The following SDHC variants were observed in gnomAD, a reference collection of about 807,000 sequenced individuals.
The protein encoded by SDHC is succinate dehydrogenase complex subunit C, also known as succinate dehydrogenase cytochrome b560 subunit, mitochondrial.
SDHC carries 11 observed loss-of-function variants against 22.6 expected under a neutral mutation model. That is an observed-to-expected ratio of 0.49 (90% CI 0.31 to 0.81). The LOEUF is 0.81. Ranked by LOEUF, SDHC falls within the 30% of genes least tolerant of loss-of-function variation. The probability of loss-of-function intolerance (pLI) is 0.05; values close to 1 mark genes in which losing one functional copy is unlikely to be tolerated. For missense variants in SDHC, 160 were observed against 212.0 expected, an observed-to-expected ratio of 0.75 and a Z score of 1.52; for synonymous variants, 80 against 77.8, an observed-to-expected ratio of 1.03 and a Z score of -0.15.
intron 5 of SDHC, among the ~76,000 whole-genome samples, chr1:161,361,441 C>T (rs942323442): frequency 6.6e-6 from 1 of 151,900 alleles, no homozygotes; most frequent in African/African-American, 2.4e-5. Flanking sequence ...AATACTAGTC[C>T]TCTGATAAAT....
chr1:161,323,567 AGTT>A (rs1670919870), intron 1 of SDHC, 44 bp from the exon 2 acceptor site: 1 of 1,462,530 alleles, frequency 6.8e-7, no homozygotes, highest in Admixed American at 1.7e-5. Flanking sequence ...GATATACTAA[AGTT>A]GATCTCTAAA....
chr1:161,352,309 C>CT, intron 4 of SDHC, among the ~76,000 whole-genome samples: 1 of 152,192 alleles, frequency 6.6e-6, no homozygotes, highest in South Asian at 2.1e-4. Flanking sequence ...GAGGTAGAGC[C>CT]TTTTTTGAAA....
chr1:161,353,935 T>G (rs1672178163), intron 4 of SDHC, among the ~76,000 whole-genome samples: 2 of 152,242 alleles, frequency 1.3e-5, no homozygotes, highest in Admixed American at 6.5e-5. Flanking sequence ...AAGATCTCAC[T>G]CTGTTACCTG....
intron 4 of SDHC, among the ~76,000 whole-genome samples, chr1:161,346,206 A>G (rs1173318628): frequency 7.2e-5 from 11 of 152,292 alleles, no homozygotes; most frequent in African/African-American, 2.4e-4. Flanking sequence ...GTGCTTAGAA[A>G]ATCTTTATTT....
At chr1:161,340,960 C>G (rs1355741169) in intron 4 of SDHC, among the ~76,000 whole-genome samples, 1 of 152,224 alleles carries the variant, frequency 6.6e-6, no homozygotes, top group Admixed American at 6.5e-5. Flanking sequence ...TCTCCTGCCT[C>G]AGCCTCCTGA....
chr1:161,322,769 G>C (rs1670884728), intron 1 of SDHC, among the ~76,000 whole-genome samples: 1 of 151,996 alleles, frequency 6.6e-6, no homozygotes, highest in Non-Finnish European at 1.5e-5. Context: ...GTTTTACCAT[G>C]TTGTCCAGGC....
chr1:161,356,881 A>G (rs1227548542), intron 5 of SDHC, 41 bp downstream of exon 5: 3 of 1,583,878 alleles, frequency 1.9e-6, no homozygotes, highest in South Asian at 1.1e-5. Context: ...CTGTGAAGGG[A>G]GTGGGGAGAC....
intron 1 of SDHC, among the ~76,000 whole-genome samples, chr1:161,317,043 G>C (rs1219521576): frequency 2.0e-5 from 3 of 147,732 alleles, no homozygotes; most frequent in African/African-American, 7.6e-5. Context: ...TTTTGAGACG[G>C]AGTCTCGGTC....
intron 3 of SDHC, 110 bp downstream of exon 3, chr1:161,328,607 G>T: frequency 1.3e-6 from 1 of 768,192 alleles, no homozygotes; most frequent in Non-Finnish European, 2.3e-6. Flanking sequence ...CCAAAATACT[G>T]CTATGTAGAT....
chr1:161,338,689 G>A (rs1371479466), intron 3 of SDHC, among the ~76,000 whole-genome samples: 1 of 152,162 alleles, frequency 6.6e-6, no homozygotes, highest in South Asian at 2.1e-4. Flanking sequence ...GAAATAAGTG[G>A]TATGTTCAGT....
intron 3 of SDHC, among the ~76,000 whole-genome samples, chr1:161,339,411 C>T (rs1003588048): frequency 6.6e-6 from 1 of 150,670 alleles, no homozygotes; most frequent in African/African-American, 2.4e-5. Flanking sequence ...ACCTTGAACT[C>T]CTGAACTCAA....
intron 1 of SDHC, chr1:161,314,692 C>A (rs1016575911): frequency 3.3e-5 from 18 of 553,778 alleles, no homozygotes; most frequent in Non-Finnish European, 5.5e-5. Flanking sequence ...TCCTCTAGTA[C>A]TTCTAACGCA....
At position 161,322,386 on chromosome 1, in the gene SDHC, A is replaced by T. The variant is rs147714178; in HGVS notation, c.21-1228A>T. Among the ~76,000 whole-genome samples the T allele has an allele frequency of 2.1e-3, 314 of 152,032 alleles. 1 individual carries two copies. The highest frequency in any genetic ancestry group is 7.2e-3 in the African/African-American group (299 of 41,454). On this transcript the variant is annotated intron_variant, in intron 1 of 5. Coordinates refer to ENST00000367975, the MANE Select transcript of SDHC (RefSeq NM_003001.5). ...GAAAACTTTCATGGGGTCAGTAAAA[A>T]TTTTTTTTATTCCCATTTTTTTGCA...
intron 2 of SDHC, 37 bp from the exon 3 acceptor site, chr1:161,328,358 AC>A (rs1478373262): frequency 6.8e-7 from 1 of 1,461,412 alleles, no homozygotes; most frequent in Non-Finnish European, 9.6e-7. Context: ...AACCAAGTTT[AC>A]TTTTAGTTAT....
chr1:161,316,453 A>G (rs576566287), intron 1 of SDHC, among the ~76,000 whole-genome samples: 1 of 152,346 alleles, frequency 6.6e-6, no homozygotes, highest in South Asian at 2.1e-4. Context: ...CACATCTTGC[A>G]CAGCCCTTAA....
chr1:161,329,854 C>T (rs1388976162), intron 3 of SDHC, among the ~76,000 whole-genome samples: 3 of 152,258 alleles, frequency 2.0e-5, no homozygotes, highest in Admixed American at 2.0e-4. Context: ...CATTCTTTTT[C>T]TATTTTCAAA....
chr1:161,356,396 G>A (rs975034216), intron 4 of SDHC, among the ~76,000 whole-genome samples: 1 of 152,068 alleles, frequency 6.6e-6, no homozygotes, highest in African/African-American at 2.4e-5. Context: ...AAAATTAGCT[G>A]GGCGTTGTGG....
chr1:161,357,724 T>G (rs535046450), intron 5 of SDHC, among the ~76,000 whole-genome samples: 1 of 152,300 alleles, frequency 6.6e-6, no homozygotes, highest in Non-Finnish European at 1.5e-5. Flanking sequence ...AAGAGGGATA[T>G]TTAAAAGAGA....
In SDHC at chr1:161,352,118, ACT is replaced by A. The variant is rs376299356; in HGVS notation, c.242-4554_242-4553del. Reference sequence around the variant, plus strand: ...ATTGAAATTGTTCAGCTGTTAGAGGACTCTCTGAGGCACTCAGATTCTAGGAG... The same window carrying A: ...ATTGAAATTGTTCAGCTGTTAGAGGACTCTGAGGCACTCAGATTCTAGGAG... On this transcript the variant is annotated intron_variant, in intron 4 of 5. Coordinates refer to ENST00000367975, the MANE Select transcript of SDHC (RefSeq NM_003001.5). 5.4e-3 allele frequency among the ~76,000 whole-genome samples: 826 copies of A among 152,044 alleles called. 1 individual carries two copies. Among genetic ancestry groups the A allele is most frequent in the Non-Finnish European group, 8.7e-3 (589 of 67,982 alleles).
Sources: allele counts gnomAD v4.1 joint callset (sites outside exome capture counted in the v4.1 genomes callset), GRCh38; gene constraint gnomAD v4.1.1; transcripts MANE v1.5; gene names NCBI Gene and HGNC (gene_info 2026-07-23, HGNC 2026-07-21).